ST3GAL1: variants seen among roughly 807,000 people sequenced by gnomAD.
ST3GAL1 encodes CMP-N-acetylneuraminate-beta-galactosamide-alpha-2,3-sialyltransferase 1.
In ST3GAL1, 16 loss-of-function variants were observed where a neutral mutation model predicts 34.1. The ratio of observed to expected loss-of-function variants is 0.47; its 90% confidence interval spans 0.32 to 0.71. The LOEUF (loss-of-function observed/expected upper bound fraction) is 0.71. Ranked by LOEUF, ST3GAL1 falls within the 30% of genes least tolerant of loss-of-function variation. ST3GAL1 has a pLI of 0.04. For missense variants in ST3GAL1, 353 were observed against 447.4 expected (o/e 0.79, Z 1.90); for synonymous variants, 191 against 184.7 (o/e 1.03, Z -0.28).
chr8:133,473,464 C>T (rs1425732057), intron 5 of ST3GAL1, among the ~76,000 whole-genome samples: 1 of 152,134 alleles, frequency 6.6e-6, no homozygotes, highest in Non-Finnish European at 1.5e-5. Context: ...TGTTTGTCCC[C>T]AAAAGGCCTT....
intron 3 of ST3GAL1, chr8:133,489,698 A>T (rs150729464): frequency 3.9e-5 from 6 of 152,378 alleles, no homozygotes; most frequent in African/African-American, 1.2e-4. Flanking sequence ...TGATGACAGC[A>T]TCAGTCCCTC....
intron 2 of ST3GAL1, among the ~76,000 whole-genome samples, chr8:133,503,718 T>G (rs1817252886): frequency 6.6e-6 from 1 of 152,164 alleles, no homozygotes; most frequent in Admixed American, 6.5e-5. Flanking sequence ...TATCTCCAGA[T>G]GTAGTGAAAG....
chr8:133,476,092 T>A lies in ST3GAL1; in HGVS notation c.-50-18A>T. 1 of 1,492,630 alleles carries A rather than the reference T, an allele frequency of 6.7e-7. No individual in the cohort carries two copies. Among genetic ancestry groups the A allele is most frequent in the African/African-American group, 1.4e-5 (1 of 71,080 alleles). 92.5% of individuals were successfully genotyped at this position (1,492,630 alleles called of 1,614,324 possible). A position where few individuals can be genotyped will look rare whatever the true frequency, so the allele number is the denominator to read the frequency against. ...ACTCCCTCCTAAGAGAGGAGAAAAA[T>A]GGAAGAAAAATCCCAGAGGTGGAGG... On this transcript the variant is annotated intron_variant, in intron 4 of 9. Coordinates refer to ENST00000522652, the MANE Select transcript of ST3GAL1 (RefSeq NM_173344.3).
chr8:133,547,416 G>A (rs188969801), intron 1 of ST3GAL1, among the ~76,000 whole-genome samples: 6 of 152,184 alleles, frequency 3.9e-5, no homozygotes, highest in Non-Finnish European at 7.4e-5. Flanking sequence ...CTACAGGTTC[G>A]TGCTATCACA....
At chr8:133,471,567 G>A (rs1017596435) in intron 5 of ST3GAL1, among the ~76,000 whole-genome samples, 3 of 152,328 alleles carry the variant, frequency 2.0e-5, no homozygotes, top group Non-Finnish European at 2.9e-5. Context: ...TTACAGAGGT[G>A]AAGTGAGTTT....
At chr8:133,541,554 T>C (rs1015310039) in intron 2 of ST3GAL1, among the ~76,000 whole-genome samples, 1 of 152,156 alleles carries the variant, frequency 6.6e-6, no homozygotes, top group Non-Finnish European at 1.5e-5. Flanking sequence ...ATCTGAGAGA[T>C]GCAGACCATA....
At chr8:133,471,593 G>A (rs991748200) in intron 5 of ST3GAL1, among the ~76,000 whole-genome samples, 8 of 152,192 alleles carry the variant, frequency 5.3e-5, no homozygotes, top group African/African-American at 1.9e-4. Context: ...GACCAAAACA[G>A]TTTGAATATC....
chr8:133,546,478 C>CAAAAAA (rs10553471), intron 1 of ST3GAL1, among the ~76,000 whole-genome samples: 1 of 114,806 alleles, frequency 8.7e-6, no homozygotes. Flanking sequence ...GAGACTCCGT[C>CAAAAAA]AAAAAAAAAA....
intron 1 of ST3GAL1, among the ~76,000 whole-genome samples, chr8:133,547,566 T>C (rs1482816389): frequency 1.3e-5 from 2 of 152,148 alleles, no homozygotes; most frequent in Non-Finnish European, 2.9e-5. Flanking sequence ...GGTAGCCCCC[T>C]GGAGGATAAT....
At chr8:133,468,310 C>T (rs181615140) in intron 5 of ST3GAL1, among the ~76,000 whole-genome samples, 2 of 152,260 alleles carry the variant, frequency 1.3e-5, no homozygotes, top group East Asian at 3.9e-4. Flanking sequence ...AAATAGGTTA[C>T]AACATGGATG....
chr8:133,472,713 T>G (rs893267265), intron 5 of ST3GAL1, among the ~76,000 whole-genome samples: 1 of 152,168 alleles, frequency 6.6e-6, no homozygotes, highest in East Asian at 1.9e-4. Context: ...TGAAGCCCCA[T>G]TCCTTCCAAG....
At chr8:133,517,901 G>T (rs1247966107) in intron 2 of ST3GAL1, among the ~76,000 whole-genome samples, 1 of 152,346 alleles carries the variant, frequency 6.6e-6, no homozygotes, top group East Asian at 1.9e-4. Flanking sequence ...AGGTGGGGAA[G>T]ATCCAGGAAC....
At chr8:133,568,582 C>A (rs1311675798) in intron 1 of ST3GAL1, among the ~76,000 whole-genome samples, 1 of 152,114 alleles carries the variant, frequency 6.6e-6, no homozygotes, top group African/African-American at 2.4e-5. Flanking sequence ...TTTTGCTTTC[C>A]TGGTCGCTTT....
chr8:133,563,757 G>A (rs1368834789), intron 1 of ST3GAL1, among the ~76,000 whole-genome samples: 5 of 152,154 alleles, frequency 3.3e-5, no homozygotes, highest in African/African-American at 9.7e-5. Flanking sequence ...ACACACTCCC[G>A]GGTGGAGATT....
intron 3 of ST3GAL1, among the ~76,000 whole-genome samples, chr8:133,478,566 G>T (rs1816265640): frequency 6.6e-6 from 1 of 152,190 alleles, no homozygotes; most frequent in Non-Finnish European, 1.5e-5. Flanking sequence ...GTAACTTGAA[G>T]CAATGTGACT....
rs978896474 is a variant in ST3GAL1 at position 133,523,717 on chromosome 8, C to T, written c.-429+22057G>A. On this transcript the variant is annotated intron_variant, in intron 2 of 9. Coordinates refer to ENST00000522652, the MANE Select transcript of ST3GAL1 (RefSeq NM_173344.3). ...GACCAATTGACAAATGTCTGTTGAG[C>T]TTCTTGCTGGAGAACAAGTACAAAC... 3.3e-5 allele frequency among the ~76,000 whole-genome samples: 5 copies of T among 152,212 alleles called. No individual in the cohort carries two copies. In the South Asian group the frequency reaches 1.0e-3, roughly 31 times the overall value.
chr8:133,553,407 T>C lies in ST3GAL1; in HGVS notation c.-581-7481A>G, dbSNP rs371007223. On this transcript the variant is annotated intron_variant, in intron 1 of 9. Coordinates refer to ENST00000522652, the MANE Select transcript of ST3GAL1 (RefSeq NM_173344.3). ...CTCATCTGTAATGTGGAAATGCTGA[T>C]GATGATGGTCATGAAGAAGACAGAT... Among the ~76,000 whole-genome samples the C allele has an allele frequency of 1.9e-4, 29 of 152,326 alleles. No homozygotes were observed. The South Asian group carries it at 5.8e-3, about 30-fold the overall frequency.
intron 3 of ST3GAL1, among the ~76,000 whole-genome samples, chr8:133,497,856 G>A (rs184995931): frequency 2.9e-4 from 44 of 152,260 alleles, no homozygotes; most frequent in Admixed American, 1.8e-3. Context: ...TACTAGAGGT[G>A]AGCAGCCACT....
rs761521881 is a variant in ST3GAL1, at chr8:133,463,447, C to T, written c.696G>A (p.Pro232=). 3.1e-6 allele frequency: 5 copies of T among 1,613,908 alleles called. No homozygotes were observed. Among genetic ancestry groups the T allele is most frequent in the East Asian group, 4.5e-5 (2 of 44,876 alleles). ...GTTTCACTCTGATCTTTGCAGGAACCGGGATGTAGGTGCTGCAGTTGGAGA... is the reference window on the plus strand; with the variant it reads ...GTTTCACTCTGATCTTTGCAGGAACTGGGATGTAGGTGCTGCAGTTGGAGA... ...TTGTISHTYI[P]VPAKIRVKQD... Residue 232 remains proline, a synonymous_variant, in exon 8 of 10, where the codon CCG becomes CCA. Transcript: ENST00000522652.
Sources: allele counts gnomAD v4.1 joint callset (sites outside exome capture counted in the v4.1 genomes callset), GRCh38; gene constraint gnomAD v4.1.1; transcripts MANE v1.5; gene names NCBI Gene and HGNC (gene_info 2026-07-23, HGNC 2026-07-21).